DCLK2: variants seen among roughly 807,000 people sequenced by gnomAD.
DCLK2 encodes the protein serine/threonine-protein kinase DCLK2.
In DCLK2, 31 loss-of-function variants were observed where a neutral mutation model predicts 78.4. The observed-to-expected ratio is 0.40, with a 90% confidence interval of 0.30 to 0.53. The LOEUF (loss-of-function observed/expected upper bound fraction) is 0.53, where lower values mean the gene tolerates loss of function less well. Ranked by LOEUF, DCLK2 falls within the 20% of genes least tolerant of loss-of-function variation. The probability of loss-of-function intolerance (pLI) is 0.61; values close to 1 mark genes in which losing one functional copy is unlikely to be tolerated. For missense variants in DCLK2, 872 were observed against 973.7 expected, an observed-to-expected ratio of 0.90 and a Z score of 1.39; for synonymous variants, 407 against 374.9, an observed-to-expected ratio of 1.09 and a Z score of -0.99.
At chr4:150,254,926 C>T (rs894996388) in intron 15 of DCLK2, among the ~76,000 whole-genome samples, 1 of 152,170 alleles carries the variant, frequency 6.6e-6, no homozygotes, top group Non-Finnish European at 1.5e-5. Flanking sequence ...GATCCTCCCT[C>T]CTTGGCCTCC....
chr4:150,143,216 C>A (rs11099757), intron 2 of DCLK2, among the ~76,000 whole-genome samples: 1 of 151,950 alleles, frequency 6.6e-6, no homozygotes, highest in South Asian at 2.1e-4. Context: ...CCATAGTGTG[C>A]GTATTCAATA....
intron 2 of DCLK2, among the ~76,000 whole-genome samples, chr4:150,107,446 G>A (rs1053623008): frequency 6.9e-6 from 1 of 145,416 alleles, no homozygotes; most frequent in Admixed American, 7.1e-5. Flanking sequence ...TGGCGATCTC[G>A]GCTTACTGCA....
At chr4:150,129,666 G>A (rs1733162645) in intron 2 of DCLK2, among the ~76,000 whole-genome samples, 1 of 151,878 alleles carries the variant, frequency 6.6e-6, no homozygotes, top group Admixed American at 6.6e-5. Context: ...GTTGCAGTGA[G>A]CCAAGATTAC....
At chr4:150,222,451 T>C (rs889931834) in intron 7 of DCLK2, among the ~76,000 whole-genome samples, 1 of 152,208 alleles carries the variant, frequency 6.6e-6, no homozygotes, top group Non-Finnish European at 1.5e-5. Context: ...TCTGTACTTG[T>C]ATTAAATCGC....
chr4:150,128,344 A>G (rs1005039915), intron 2 of DCLK2, among the ~76,000 whole-genome samples: 2 of 152,144 alleles, frequency 1.3e-5, no homozygotes, highest in Non-Finnish European at 2.9e-5. Flanking sequence ...TGGCCAGGGT[A>G]AGGAGTGTAG....
intron 1 of DCLK2, among the ~76,000 whole-genome samples, chr4:150,095,686 A>G (rs1730407609): frequency 6.6e-6 from 1 of 152,208 alleles, no homozygotes; most frequent in African/African-American, 2.4e-5. Flanking sequence ...GCACTAGATA[A>G]TGCCAACCTA....
chr4:150,240,531 A>G, intron 12 of DCLK2, 55 bp downstream of exon 12: 1 of 1,387,164 alleles, frequency 7.2e-7, no homozygotes, highest in South Asian at 1.2e-5. Context: ...CCTTGGGTCC[A>G]GAAGCAGGTA....
intron 8 of DCLK2, among the ~76,000 whole-genome samples, chr4:150,229,170 T>C (rs1005424471): frequency 3.3e-5 from 5 of 151,962 alleles, no homozygotes; most frequent in African/African-American, 1.2e-4. Context: ...TGAGACCCCA[T>C]TTCTGCAAAA....
At chr4:150,177,994 A>G (rs566509446) in intron 2 of DCLK2, among the ~76,000 whole-genome samples, 7 of 152,340 alleles carry the variant, frequency 4.6e-5, no homozygotes, top group African/African-American at 1.7e-4. Context: ...TCTGAAGTAG[A>G]CATGACCAAA....
At chr4:150,152,348 C>T (rs1337927903) in intron 2 of DCLK2, among the ~76,000 whole-genome samples, 5 of 152,222 alleles carry the variant, frequency 3.3e-5, no homozygotes, top group Non-Finnish European at 5.9e-5. Context: ...GTGGCACGAT[C>T]TTGGCTCACT....
chr4:150,080,045 AC>A (rs962523601), intron 1 of DCLK2, among the ~76,000 whole-genome samples: 1 of 151,006 alleles, frequency 6.6e-6, no homozygotes, highest in Non-Finnish European at 1.5e-5. Context: ...TGATCCCCCA[AC>A]CCCCAGATAT....
chr4:150,232,701 C>T lies in DCLK2; in HGVS notation c.1439C>T (p.Ala480Val). The change falls in exon 10 of 16, where the codon GCA becomes GTA. Residue 480 changes from alanine (A) to valine (V), a missense_variant. Ala to Val is a moderately conservative substitution (Grantham distance 64). Around this residue, in one of 3 missense-constraint regions of DCLK2, gnomAD observed 86 missense variants for 150.3 expected, o/e 0.57. Transcript: ENST00000296550. The part of the protein sequence containing the change: ...ELVKGGDLFD[A>V]ITSSTKYTER... The stretch of plus-strand genomic sequence containing the variant: ...GTTTAGGGTGGAGATCTCTTTGATG[C>T]AATTACTTCGTCGACCAAGTACACT... 1.2e-6 allele frequency: 2 copies of T among 1,613,078 alleles called. No individual in the cohort carries two copies. The highest frequency in any genetic ancestry group is 1.7e-6 in the Non-Finnish European group (2 of 1,179,602).
At chr4:150,233,284 G>A (rs953648263) in intron 10 of DCLK2, among the ~76,000 whole-genome samples, 25 of 152,154 alleles carry the variant, frequency 1.6e-4, no homozygotes, top group African/African-American at 5.3e-4. Flanking sequence ...CAGCATGGGG[G>A]AAATCTGCTT....
chr4:150,158,159 G>A (rs1317588416), intron 2 of DCLK2, among the ~76,000 whole-genome samples: 5 of 152,078 alleles, frequency 3.3e-5, no homozygotes, highest in East Asian at 3.9e-4. Context: ...TGATTTCTCC[G>A]GAGGCACCTC....
intron 5 of DCLK2, among the ~76,000 whole-genome samples, chr4:150,216,881 G>T (rs1048815544): frequency 6.6e-6 from 1 of 152,060 alleles, no homozygotes; most frequent in South Asian, 2.1e-4. Flanking sequence ...ATACAATGCT[G>T]TCTTTCTGAA....
At chr4:150,185,467 G>A (rs1158775848) in intron 2 of DCLK2, among the ~76,000 whole-genome samples, 1 of 151,378 alleles carries the variant, frequency 6.6e-6, no homozygotes, top group Non-Finnish European at 1.5e-5. Context: ...GCTCATGCCT[G>A]TAATGGGAGG....
chr4:150,253,278 G>A (rs1275779552), intron 15 of DCLK2: 4 of 591,540 alleles, frequency 6.8e-6, no homozygotes, highest in Non-Finnish European at 1.2e-5. Flanking sequence ...AATGATAGTG[G>A]AAATAGTGTC....
chr4:150,173,124 A>G (rs1299943619), intron 2 of DCLK2, among the ~76,000 whole-genome samples: 1 of 152,002 alleles, frequency 6.6e-6, no homozygotes, highest in Non-Finnish European at 1.5e-5. Flanking sequence ...TCATTTCCAC[A>G]GTTTTTGCTA....
chr4:150,231,447 A>G (rs1025116584), intron 8 of DCLK2, among the ~76,000 whole-genome samples: 2 of 152,194 alleles, frequency 1.3e-5, no homozygotes, highest in African/African-American at 2.4e-5. Context: ...TATAATTTCT[A>G]TTTCCAGCTA....
Sources: gnomAD v4.1 joint callset for allele counts (sites outside exome capture counted in the v4.1 genomes callset) on GRCh38, gnomAD v4.1.1 for gene constraint, gnomAD v4.1.1 regional missense constraint, MANE v1.5 for transcripts, NCBI Gene and HGNC (gene_info 2026-07-23, HGNC 2026-07-21) for gene names.